The following LSAMP variants were observed in gnomAD, a reference collection of about 807,000 sequenced individuals.
The protein encoded by LSAMP is limbic system-associated membrane protein.
In LSAMP, 7 loss-of-function variants were observed where a neutral mutation model predicts 38.6. That is an observed-to-expected ratio of 0.18 (90% confidence interval 0.10 to 0.34). The LOEUF (loss-of-function observed/expected upper bound fraction) is 0.34, where lower values mean the gene tolerates loss of function less well. LSAMP is among the 10% of genes least tolerant of loss of function. The probability of loss-of-function intolerance (pLI) is 1.00; values close to 1 mark genes in which losing one functional copy is unlikely to be tolerated. For synonymous variants in LSAMP, 154 were observed against 166.8 expected (o/e 0.92, Z 0.59); for missense variants, 313 against 420.0 (o/e 0.75, Z 2.23).
At chr3:115,832,832 T>A (rs1934659503) in intron 6 of LSAMP, among the ~76,000 whole-genome samples, 1 of 152,160 alleles carries the variant, frequency 6.6e-6, no homozygotes, top group African/African-American at 2.4e-5. Context: ...AGGGTCATTC[T>A]CCAATCAACA....
chr3:115,872,512 A>G (rs564345649), intron 3 of LSAMP, among the ~76,000 whole-genome samples: 2 of 152,108 alleles, frequency 1.3e-5, no homozygotes, highest in Admixed American at 1.3e-4. Flanking sequence ...AAGTCTAGAA[A>G]AGAGGAGGGG....
intron 3 of LSAMP, among the ~76,000 whole-genome samples, chr3:115,954,711 C>G (rs1351324988): frequency 6.6e-6 from 1 of 152,158 alleles, no homozygotes; most frequent in Non-Finnish European, 1.5e-5. Context: ...CTCTCTAGAG[C>G]CCAGCATTTA....
intron 1 of LSAMP, among the ~76,000 whole-genome samples, chr3:116,414,144 C>T (rs2049017563): frequency 6.6e-6 from 1 of 152,054 alleles, no homozygotes; most frequent in South Asian, 2.1e-4. Context: ...CACCAACTTT[C>T]ATTTTGGGGA....
chr3:116,242,076 T>C (rs1409498935), intron 1 of LSAMP, among the ~76,000 whole-genome samples: 1 of 152,192 alleles, frequency 6.6e-6, no homozygotes, highest in Non-Finnish European at 1.5e-5. Context: ...GCACATTCCC[T>C]CCCATGTGTT....
At chr3:115,998,410 A>G (rs1300217573) in intron 3 of LSAMP, among the ~76,000 whole-genome samples, 1 of 152,114 alleles carries the variant, frequency 6.6e-6, no homozygotes, top group African/African-American at 2.4e-5. Context: ...CAGAGAGATG[A>G]TGGGATTGAA....
At chr3:115,843,649 C>T (rs562439539) in intron 4 of LSAMP, among the ~76,000 whole-genome samples, 1 of 152,034 alleles carries the variant, frequency 6.6e-6, no homozygotes, top group South Asian at 2.1e-4. Context: ...CATTTAAACC[C>T]TGCCCTTCAG....
At chr3:115,891,625 T>A (rs1179115490) in intron 3 of LSAMP, among the ~76,000 whole-genome samples, 2 of 152,020 alleles carry the variant, frequency 1.3e-5, no homozygotes, top group Non-Finnish European at 2.9e-5. Context: ...AAATGAATAG[T>A]CTAATGAAGC....
At chr3:115,849,546 C>A (rs1935265483) in intron 4 of LSAMP, among the ~76,000 whole-genome samples, 1 of 151,910 alleles carries the variant, frequency 6.6e-6, no homozygotes, top group Non-Finnish European at 1.5e-5. Context: ...CAGTAGTTAT[C>A]TCAACCATCC....
intron 3 of LSAMP, among the ~76,000 whole-genome samples, chr3:116,007,434 C>A (rs1940194671): frequency 6.6e-6 from 1 of 152,098 alleles, no homozygotes; most frequent in Admixed American, 6.5e-5. Flanking sequence ...ATTGCAGCCT[C>A]AGTGTACTGG....
At chr3:116,443,169 T>C (rs921254755) in intron 1 of LSAMP, among the ~76,000 whole-genome samples, 4 of 152,218 alleles carry the variant, frequency 2.6e-5, no homozygotes, top group African/African-American at 9.6e-5. Flanking sequence ...GGGTTAATGA[T>C]GTTAGGGAGT....
At chr3:116,161,114 G>A (rs1305434183) in intron 1 of LSAMP, among the ~76,000 whole-genome samples, 2 of 152,168 alleles carry the variant, frequency 1.3e-5, no homozygotes, top group Non-Finnish European at 2.9e-5. Flanking sequence ...ATGGTCACAT[G>A]TGGCTAGTGG....
At chr3:116,164,701 T>TG (rs1709997099) in intron 1 of LSAMP, among the ~76,000 whole-genome samples, 7 of 90,412 alleles carry the variant, frequency 7.7e-5, no homozygotes, top group East Asian at 2.5e-4. Flanking sequence ...TATATATATA[T>TG]ATAATCCAAA....
intron 3 of LSAMP, among the ~76,000 whole-genome samples, chr3:115,973,897 T>C (rs1461399464): frequency 2.6e-5 from 4 of 152,228 alleles, no homozygotes; most frequent in South Asian, 2.1e-4. Context: ...TCAAAAACTT[T>C]GGAATTTTTG....
At chr3:115,818,790 T>TTATATACATATATATATATATATA (rs1467152356) in intron 6 of LSAMP, among the ~76,000 whole-genome samples, 100 of 69,762 alleles carry the variant, frequency 1.4e-3, no homozygotes, top group African/African-American at 4.2e-3. Context: ...AGTTGTACTT[T>TTATATACATATATATATATATATA]TATATATATA....
At chr3:116,105,367 G>A (rs559335833) in intron 1 of LSAMP, among the ~76,000 whole-genome samples, 3 of 152,280 alleles carry the variant, frequency 2.0e-5, no homozygotes, top group African/African-American at 7.2e-5. Context: ...TTTCATGCGC[G>A]TCCGTGTGAA....
intron 1 of LSAMP, among the ~76,000 whole-genome samples, chr3:116,257,979 A>G (rs12495309): frequency 0.13 from 19,752 of 152,126 alleles, 1,441 homozygotes; most frequent in Admixed American, 0.19. Context: ...TATGAGTAAT[A>G]TTAATTAACA....
chr3:115,810,227 C>CT lies in LSAMP; in HGVS notation c.*89dup. 2.3e-6 allele frequency: 2 copies of CT among 865,068 alleles called. No homozygotes were observed. The allele number at this position is 865,068 out of a possible 1,614,324, so 53.6% of individuals were successfully genotyped here. ...GAAATAAACGGTCTCCCCCATCTCT[C>CT]TCTCTCTCTCTCTCTCTGTCTCTCT... On this transcript the variant is annotated 3_prime_UTR_variant, in exon 7 of 7. Transcript: ENST00000490035.
intron 1 of LSAMP, among the ~76,000 whole-genome samples, chr3:116,149,916 T>C (rs1005063412): frequency 5.9e-5 from 9 of 152,060 alleles, no homozygotes; most frequent in African/African-American, 2.2e-4. Context: ...AAAATATATG[T>C]TGTTGAAATA....
At chr3:116,221,138 G>A (rs1268892224) in intron 1 of LSAMP, among the ~76,000 whole-genome samples, 12 of 86,520 alleles carry the variant, frequency 1.4e-4, no homozygotes, top group Non-Finnish European at 1.8e-4. Flanking sequence ...GTGACAGAGC[G>A]AGACTCTGTC....
Sources: gnomAD v4.1 joint callset for allele counts (sites outside exome capture counted in the v4.1 genomes callset) on GRCh38, gnomAD v4.1.1 for gene constraint, MANE v1.5 for transcripts, NCBI Gene and HGNC (gene_info 2026-07-23, HGNC 2026-07-21) for gene names.